The following KCNV2 variants were observed in gnomAD, a reference collection of about 807,000 sequenced individuals.
The protein encoded by KCNV2 is potassium voltage-gated channel subfamily V member 2.
A neutral mutation model predicts 37.0 loss-of-function variants in KCNV2; 65 were observed. The observed-to-expected ratio is 1.76, with a 90% CI of 1.44 to 2.16. KCNV2 has a LOEUF of 2.16. KCNV2 is among the 30% of genes most tolerant of loss of function. The pLI, the probability that KCNV2 is intolerant of heterozygous loss-of-function variation, is 0.00. For missense variants in KCNV2, 1,232 were observed against 766.7 expected (o/e 1.61, Z -7.17); for synonymous variants, 518 against 328.6 (o/e 1.58, Z -6.23).
chr9:2,717,698 C>A lies in KCNV2; in HGVS notation c.-42C>A, dbSNP rs7029012. On this transcript the variant is annotated 5_prime_UTR_variant, in exon 1 of 2. Coordinates refer to ENST00000382082, the MANE Select transcript of KCNV2 (RefSeq NM_133497.4). ...CAGTGAGCAGGTGAGGGACCCCTAC[C>A]ACAGCCAGGAGGAAAAAGCTAGGCG... 1 of 1,613,038 alleles carries A rather than the reference C, an allele frequency of 6.2e-7. No individual in the cohort carries two copies. The highest frequency in any genetic ancestry group is 1.3e-5 in the African/African-American group (1 of 74,826).
intron 1 of KCNV2, among the ~76,000 whole-genome samples, chr9:2,728,918 AGAG>A (rs1820015248): frequency 2.0e-5 from 3 of 151,256 alleles, no homozygotes; most frequent in African/African-American, 7.3e-5. Context: ...AAAGAGAGAG[AGAG>A]AGTCTGAAGG....
At chr9:2,729,326 A>C in intron 1 of KCNV2, 120 bp from the exon 2 acceptor site, 2 of 1,076,834 alleles carry the variant, frequency 1.9e-6, no homozygotes, top group Non-Finnish European at 2.8e-6. Context: ...GCTCCGTGGG[A>C]AGCCATTACA....
chr9:2,717,551 G>C lies in KCNV2; in HGVS notation c.-189G>C. 1 of 656,622 alleles carries C rather than the reference G, an allele frequency of 1.5e-6. No homozygotes were observed. Among genetic ancestry groups the C allele is most frequent in the Non-Finnish European group, 2.6e-6 (1 of 377,406 alleles). The allele number at this position is 656,622 out of a possible 1,614,324, so 40.7% of individuals were successfully genotyped here. Reference sequence around the variant, plus strand: ...GACTGCGTTCAGACCCTGCAGGCTGGGCTGGCCTGCCCAGGACCTGAGAAG... The same window carrying C: ...GACTGCGTTCAGACCCTGCAGGCTGCGCTGGCCTGCCCAGGACCTGAGAAG... On this transcript the variant is annotated 5_prime_UTR_variant, in exon 1 of 2. Coordinates refer to ENST00000382082, the MANE Select transcript of KCNV2 (RefSeq NM_133497.4).
intron 1 of KCNV2, among the ~76,000 whole-genome samples, chr9:2,728,903 A>G (rs1336403460): frequency 5.4e-5 from 8 of 148,994 alleles, no homozygotes; most frequent in African/African-American, 2.1e-4. Context: ...AAAAGAAAAA[A>G]AGAAAAAGAG....
chr9:2,721,505 G>T (rs7850340), intron 1 of KCNV2, among the ~76,000 whole-genome samples: 2 of 151,992 alleles, frequency 1.3e-5, no homozygotes, highest in African/African-American at 4.8e-5. Context: ...TCTTGTTTCC[G>T]GTATGTAGAT....
At position 2,722,603 on chromosome 9, in the gene KCNV2, A is replaced by T. The variant is rs1029305009; in HGVS notation, c.1356+3508A>T. On this transcript the variant is annotated intron_variant, in intron 1 of 1. Transcript: ENST00000382082. ...TATAAATTAGAAGTTATTTATTTAT[A>T]AATAAATTAGAAGTTATTTATTTAT... Among the ~76,000 whole-genome samples, 204 of 131,274 alleles carry T rather than the reference A, an allele frequency of 1.6e-3. 3 individuals carry two copies. Among genetic ancestry groups the T allele is most frequent in the Non-Finnish European group, 7.6e-4 (51 of 67,210 alleles). 86.1% of individuals were successfully genotyped at this position (131,274 alleles called of 152,430 possible). A position where few individuals can be genotyped will look rare whatever the true frequency, so the allele number is the denominator to read the frequency against.
chr9:2,719,465 GACC>G (rs1586688133), intron 1 of KCNV2, among the ~76,000 whole-genome samples: 3 of 151,900 alleles, frequency 2.0e-5, no homozygotes, highest in East Asian at 3.9e-4. Flanking sequence ...AGATGGTTAT[GACC>G]ACCATTTTTT....
intron 1 of KCNV2, among the ~76,000 whole-genome samples, chr9:2,726,488 C>T (rs1360241464): frequency 6.6e-6 from 1 of 150,844 alleles, no homozygotes; most frequent in African/African-American, 2.4e-5. Flanking sequence ...CAAAGTTCAG[C>T]CAAAAAAAAA....
chr9:2,727,182 G>A (rs1269833273), intron 1 of KCNV2, among the ~76,000 whole-genome samples: 2 of 152,030 alleles, frequency 1.3e-5, no homozygotes, highest in Admixed American at 6.5e-5. Context: ...TCACACAACT[G>A]GAGAGAGATC....
At position 2,718,936 on chromosome 9, in the gene KCNV2, C is replaced by T. The variant is rs1343949388; in HGVS notation, c.1197C>T (p.Ala399=). ...CGCGCCACTCCACCGGACTGCGTGC[C>T]TTCGGCTTCACGCTGCGCCAGTGCT... is the stretch of plus-strand genomic sequence containing the variant. ...KLARHSTGLR[A]FGFTLRQCYQ... Residue 399 remains alanine (A), a synonymous_variant, in exon 1 of 2, where the codon GCC becomes GCT. Coordinates refer to ENST00000382082, the MANE Select transcript of KCNV2 (RefSeq NM_133497.4). 7 of 1,609,646 alleles carry T rather than the reference C, an allele frequency of 4.3e-6. No homozygotes were observed. The East Asian group carries it at 6.7e-5, about 15-fold the overall frequency.
intron 1 of KCNV2, chr9:2,720,577 G>A (rs572857649): frequency 6.6e-6 from 1 of 152,326 alleles, no homozygotes; most frequent in Admixed American, 6.5e-5. Flanking sequence ...CATGGTTGAT[G>A]ATTTGTCCCC....
chr9:2,719,200 C>G (rs1819815554), intron 1 of KCNV2, 105 bp downstream of exon 1: 3 of 1,283,890 alleles, frequency 2.3e-6, no homozygotes, highest in Non-Finnish European at 3.3e-6. Flanking sequence ...TGATCCTCGT[C>G]TTCCCCCCCA....
chr9:2,722,735 G>GTCAGCGTATACTCTGATT (rs1819901390), intron 1 of KCNV2, among the ~76,000 whole-genome samples: 1 of 151,986 alleles, frequency 6.6e-6, no homozygotes. Context: ...GAATTTAAAA[G>GTCAGCGTATACTCTGATT]TCAGCGTATA....
rs770819821 is a variant in KCNV2 at position 2,718,304 on chromosome 9, G to A, written c.565G>A (p.Gly189Ser). Residue 189 changes from glycine to serine, a missense_variant, in exon 1 of 2, where the codon GGC (glycine) becomes AGC (serine). Gly to Ser is a moderately conservative substitution (Grantham distance 56). Transcript: ENST00000382082. ...RRFLEELGYW[G>S]VRLKYTPRCC... ...CTTCCTGGAGGAGCTGGGCTACTGGGGCGTGCGGCTCAAGTACACGCCACG... is the reference window on the plus strand; with the variant it reads ...CTTCCTGGAGGAGCTGGGCTACTGGAGCGTGCGGCTCAAGTACACGCCACG... 3 of 1,609,196 alleles carry A rather than the reference G, an allele frequency of 1.9e-6. No individual in the cohort carries two copies. The highest frequency in any genetic ancestry group is 2.2e-5 in the East Asian group (1 of 44,778).
Position 2,718,381 on chromosome 9 carries a change from C to A in KCNV2, c.642C>A (p.Leu214=). The A allele has an allele frequency of 6.2e-7, 1 of 1,600,568 alleles. No individual in the cohort carries two copies. The highest frequency in any genetic ancestry group is 8.5e-7 in the Non-Finnish European group (1 of 1,175,028). The change falls in exon 1 of 2, where the codon CTC becomes CTA. Residue 214 remains leucine (L), a synonymous_variant. Coordinates refer to ENST00000382082, the MANE Select transcript of KCNV2 (RefSeq NM_133497.4). The part of the protein sequence containing the change: ...EERRDELSER[L]KIQHELRAQA... Reference sequence around the variant, plus strand: ...GGCGCGACGAGCTGAGCGAACGGCTCAAGATCCAGCACGAGCTGCGCGCGC... The same window carrying A: ...GGCGCGACGAGCTGAGCGAACGGCTAAAGATCCAGCACGAGCTGCGCGCGC...
Position 2,717,947 on chromosome 9 carries a change from G to C in KCNV2, c.208G>C (p.Asp70His). ...DGEEEDQWKD[D>H]LAEEDQQAGE... The stretch of plus-strand genomic sequence containing the variant: ...CGAGGAGGAGGACCAGTGGAAGGAC[G>C]ACCTGGCAGAAGAGGACCAGCAGGC... The change falls in exon 1 of 2, where the codon GAC becomes CAC. Residue 70 changes from aspartate to histidine, a missense_variant. Coordinates refer to ENST00000382082, the MANE Select transcript of KCNV2 (RefSeq NM_133497.4). 1 of 1,614,002 alleles carries C rather than the reference G, an allele frequency of 6.2e-7. No homozygotes were observed. The highest frequency in any genetic ancestry group is 8.5e-7 in the Non-Finnish European group (1 of 1,179,912).
intron 1 of KCNV2, among the ~76,000 whole-genome samples, chr9:2,720,225 C>G (rs1207860269): frequency 6.6e-6 from 1 of 152,214 alleles, no homozygotes; most frequent in Non-Finnish European, 1.5e-5. Flanking sequence ...CAGTGCAATG[C>G]AGCATAATAG....
chr9:2,724,034 G>T (rs1303003439), intron 1 of KCNV2, among the ~76,000 whole-genome samples: 2 of 151,332 alleles, frequency 1.3e-5, no homozygotes, highest in African/African-American at 4.9e-5. Context: ...CGGGGGTTGG[G>T]GGGTGGAGGG....
At chr9:2,723,256 G>A (rs1354920827) in intron 1 of KCNV2, among the ~76,000 whole-genome samples, 1 of 152,142 alleles carries the variant, frequency 6.6e-6, no homozygotes, top group Non-Finnish European at 1.5e-5. Flanking sequence ...TGTATCCTTT[G>A]TGAAATATGC....
Sources: gnomAD v4.1 joint callset for allele counts (sites outside exome capture counted in the v4.1 genomes callset) on GRCh38, gnomAD v4.1.1 for gene constraint, MANE v1.5 for transcripts, NCBI Gene and HGNC (gene_info 2026-07-23, HGNC 2026-07-21) for gene names.